The following MCF2 variants were observed in gnomAD, a reference collection of about 807,000 sequenced individuals.
The protein encoded by MCF2 is MCF.2 cell line derived transforming sequence.
Under a neutral mutation model 82.5 loss-of-function variants are expected in MCF2, and 44 were observed. The ratio of observed to expected loss-of-function variants is 0.53; its 90% CI spans 0.42 to 0.69. The LOEUF (loss-of-function observed/expected upper bound fraction) is 0.69, where lower values mean the gene tolerates loss of function less well. MCF2 is among the 30% of genes least tolerant of loss of function. The probability of loss-of-function intolerance (pLI) is 0.00; values close to 1 mark genes in which losing one functional copy is unlikely to be tolerated. For synonymous variants in MCF2, 217 were observed against 224.9 expected (o/e 0.96, Z 0.32); for missense variants, 623 against 663.1 (o/e 0.94, Z 0.66).
chrX:139,625,428 A>T (rs988115916), intron 6 of MCF2, among the ~76,000 whole-genome samples: 3 of 111,434 alleles, frequency 2.7e-5, no homozygotes, highest in Non-Finnish European at 5.7e-5. Context: ...AGGAGAGAAA[A>T]CGCTAGTGGT....
At chrX:139,610,471 C>G in intron 10 of MCF2, 133 bp from the exon 15 acceptor site, 1 of 391,085 alleles carries the variant, frequency 2.6e-6, no homozygotes, top group Non-Finnish European at 4.3e-6. Flanking sequence ...TAAAATCACA[C>G]TATAGAAGAT....
At chrX:139,639,949 T>C (rs991898221) in intron 1 of MCF2, among the ~76,000 whole-genome samples, 1 of 35,418 alleles carries the variant, frequency 2.8e-5, no homozygotes, top group African/African-American at 5.9e-5. Flanking sequence ...CTTATATATA[T>C]ATTATCTTAT....
upstream of MCF2, chrX:139,646,817 C>T: frequency 8.6e-7 from 1 of 1,159,621 alleles, no homozygotes; most frequent in East Asian, 3.0e-5. Context: ...TAAGTAAGTA[C>T]TTTTGCTATT....
At chrX:139,609,664 A>C (rs1931350284) in intron 11 of MCF2, among the ~76,000 whole-genome samples, 1 of 111,557 alleles carries the variant, frequency 9.0e-6, no homozygotes, top group Non-Finnish European at 1.9e-5. Flanking sequence ...TCTTGTATCT[A>C]ACAATAAGTA....
At chrX:139,620,008 T>C (rs1932224893) in intron 6 of MCF2, among the ~76,000 whole-genome samples, 1 of 104,941 alleles carries the variant, frequency 9.5e-6, no homozygotes, top group Non-Finnish European at 1.9e-5. Flanking sequence ...TGTGTGTGTG[T>C]GTGTGTGTGT....
intron 24 of MCF2, among the ~76,000 whole-genome samples, chrX:139,583,378 T>C (rs1312164785): frequency 1.8e-5 from 2 of 111,828 alleles, no homozygotes; most frequent in African/African-American, 3.3e-5. Flanking sequence ...ATGGTAAATA[T>C]CAATAGATGT....
At chrX:139,592,811 G>T (rs907981613) in intron 19 of MCF2, among the ~76,000 whole-genome samples, 3 of 111,494 alleles carry the variant, frequency 2.7e-5, no homozygotes, top group Non-Finnish European at 5.7e-5. Context: ...ACTTCTTTTT[G>T]ACCCGACCCT....
chrX:139,648,287 G>A (rs1933871887), intron 2 of MCF2, among the ~76,000 whole-genome samples: 3 of 110,484 alleles, frequency 2.7e-5, no homozygotes, highest in Non-Finnish European at 3.8e-5. Context: ...CAGGAGAATC[G>A]CTTGAACCTG....
At chrX:139,670,486 C>T (rs1041912776) in intron 1 of MCF2, among the ~76,000 whole-genome samples, 1 of 110,105 alleles carries the variant, frequency 9.1e-6, no homozygotes, top group Non-Finnish European at 1.9e-5. Flanking sequence ...CCACAGGCCC[C>T]GGGGTGTGAT....
chrX:139,631,466 C>T, exon 3 of MCF2: 21 of 1,206,246 alleles, frequency 1.7e-5, no homozygotes, highest in Non-Finnish European at 2.2e-5. Context: ...AATTGCTTGT[C>T]ATCAATGTAT....
chrX:139,690,905 T>C (rs1421794586), intron 1 of MCF2, among the ~76,000 whole-genome samples: 1 of 111,439 alleles, frequency 9.0e-6, no homozygotes, highest in Non-Finnish European at 1.9e-5. Flanking sequence ...AGAGTTGCAC[T>C]CTGTTCTGAG....
intron 24 of MCF2, among the ~76,000 whole-genome samples, chrX:139,583,455 T>C (rs1188822946): frequency 9.0e-6 from 1 of 111,547 alleles, no homozygotes; most frequent in Non-Finnish European, 1.9e-5. Flanking sequence ...TGCAGCAAGG[T>C]GGATGCAGCT....
chrX:139,584,942 T>C, intron 24 of MCF2, 124 bp downstream of exon 28: 1 of 403,102 alleles, frequency 2.5e-6, no homozygotes, highest in Non-Finnish European at 4.2e-6. Flanking sequence ...ATTTCAACTA[T>C]TTTAGCAATG....
Position 139,601,141 on chromosome X carries a change from T to C in MCF2, c.1836+1265A>G, listed in dbSNP as rs768585896. ...TGGAAAATAGAAAAGATAAGATAAT[T>C]AGAGGACCAGTCCAGGATATCCAAT... is the stretch of plus-strand genomic sequence containing the variant. On this transcript the variant is annotated intron_variant, in intron 16 of 24. Coordinates refer to ENST00000370576, the Ensembl canonical transcript of MCF2. Among the ~76,000 whole-genome samples, 3 of 110,530 alleles carry C rather than the reference T, an allele frequency of 2.7e-5. No individual in the cohort carries two copies. The East Asian group carries it at 8.6e-4, about 32-fold the overall frequency.
intron 11 of MCF2, among the ~76,000 whole-genome samples, chrX:139,608,569 G>T (rs980423865): frequency 9.0e-5 from 10 of 111,076 alleles, no homozygotes; most frequent in African/African-American, 3.3e-4. Flanking sequence ...CTTGCCAAAA[G>T]CCTGACCTCC....
At position 139,688,745 on chromosome X, in the gene MCF2, TATA is replaced by T. The variant is rs553574329; in HGVS notation, c.-45+19358_-45+19360del. On this transcript the variant is annotated intron_variant, in intron 1 of 27. Transcript: ENST00000414978. ...AAAGAACAAGTCTGAAAGGTAATTT[TATA>T]ATGTGTGCCTACTTCTGTACTAGAC... 8.9e-4 allele frequency among the ~76,000 whole-genome samples: 99 copies of T among 111,750 alleles called. 1 individual carries two copies. The South Asian group carries it at 0.012, about 13-fold the overall frequency.
intron 7 of MCF2, 91 bp from the exon 11 acceptor site, chrX:139,617,795 G>T: frequency 4.0e-6 from 2 of 500,730 alleles, no homozygotes; most frequent in South Asian, 1.6e-4. Flanking sequence ...CAAAATGTTT[G>T]AGCAAGAAGG....
At chrX:139,609,809 C>T (rs1931363748) in intron 11 of MCF2, among the ~76,000 whole-genome samples, 1 of 111,365 alleles carries the variant, frequency 9.0e-6, no homozygotes, top group Admixed American at 9.5e-5. Flanking sequence ...TGCACTCCAG[C>T]CTTGGCAACA....
At chrX:139,685,579 A>G (rs1935102310) in intron 1 of MCF2, among the ~76,000 whole-genome samples, 1 of 110,986 alleles carries the variant, frequency 9.0e-6, no homozygotes, top group South Asian at 3.9e-4. Context: ...AAGGGACAGG[A>G]ATTGCTCACT....
Sources: gnomAD v4.1 joint callset for allele counts (sites outside exome capture counted in the v4.1 genomes callset) on GRCh38, gnomAD v4.1.1 for gene constraint, MANE v1.5 for transcripts, NCBI Gene and HGNC (gene_info 2026-07-23, HGNC 2026-07-21) for gene names.